SH3BGRL: variants seen among roughly 807,000 people sequenced by gnomAD.
SH3BGRL encodes SH3 domain binding glutamate rich protein like, also known as adapter SH3BGRL.
Under a neutral mutation model 9.8 loss-of-function variants are expected in SH3BGRL, and 7 were observed. The observed-to-expected ratio is 0.72, with a 90% CI of 0.41 to 1.35. The LOEUF is 1.35. Among genes scored for constraint, SH3BGRL ranks in the 40% most tolerant of loss-of-function variants. The pLI is 0.01. For synonymous variants in SH3BGRL, 36 were observed against 29.1 expected, an observed-to-expected ratio of 1.24 and a Z score of -0.76; for missense variants, 73 against 84.4, an observed-to-expected ratio of 0.86 and a Z score of 0.53.
chrX:81,210,937 ATTAG>A (rs2075561152), intron 1 of SH3BGRL, among the ~76,000 whole-genome samples: 1 of 112,516 alleles, frequency 8.9e-6, no homozygotes, highest in African/African-American at 3.2e-5. Flanking sequence ...AGCCTATACT[ATTAG>A]TTAGAATGCA....
chrX:81,265,346 GT>G (rs2075753528), intron 1 of SH3BGRL, among the ~76,000 whole-genome samples: 1 of 108,196 alleles, frequency 9.2e-6, no homozygotes, highest in African/African-American at 3.4e-5. Flanking sequence ...TTCTCCCAAT[GT>G]TATCCCTCCC....
intron 1 of SH3BGRL, among the ~76,000 whole-genome samples, chrX:81,221,836 G>A (rs192898707): frequency 4.5e-4 from 51 of 112,165 alleles, no homozygotes; most frequent in African/African-American, 1.6e-3. Context: ...AAGAAAGCTT[G>A]AGCATAACAC....
intron 1 of SH3BGRL, among the ~76,000 whole-genome samples, chrX:81,220,478 C>T (rs1479732862): frequency 9.0e-6 from 1 of 110,853 alleles, no homozygotes; most frequent in Non-Finnish European, 1.9e-5. Context: ...CCTTTTTAAT[C>T]ACTGATTTTA....
At chrX:81,216,753 G>A (rs1432725432) in intron 1 of SH3BGRL, among the ~76,000 whole-genome samples, 1 of 111,498 alleles carries the variant, frequency 9.0e-6, no homozygotes, top group Non-Finnish European at 1.9e-5. Context: ...TTATATTTAA[G>A]TTGTCGCAAA....
chrX:81,202,256 TG>T lies in SH3BGRL; in HGVS notation c.45+15del. On this transcript the variant is annotated intron_variant, in intron 1 of 3. Coordinates refer to ENST00000373212, the MANE Select transcript of SH3BGRL (RefSeq NM_003022.3). ...TCTGGCTCTACAGCGGTAAGGAGAG[TG>T]GGGAGTCCACCTTTGTTGTTTTCCT... 8.4e-7 allele frequency: 1 copy of T among 1,196,909 alleles called. No individual in the cohort carries two copies. The highest frequency in any genetic ancestry group is 3.0e-5 in the East Asian group (1 of 33,054).
rs1212690155 is a variant in SH3BGRL, at chrX:81,293,011, G to T, written c.313-4184G>T. 2.7e-5 allele frequency among the ~76,000 whole-genome samples: 3 copies of T among 112,228 alleles called. No homozygotes were observed. In the Admixed American group the frequency reaches 2.8e-4, roughly 11 times the overall value. On this transcript the variant is annotated intron_variant, in intron 3 of 3. Coordinates refer to ENST00000373212, the MANE Select transcript of SH3BGRL (RefSeq NM_003022.3). ...ATTGATATGGTTTGGCTCTGTGTCT[G>T]CATCCAAATCTCATCTTGAATTGTA...
chrX:81,287,574 T>C (rs2075839154), intron 3 of SH3BGRL, among the ~76,000 whole-genome samples: 1 of 111,535 alleles, frequency 9.0e-6, no homozygotes, highest in Admixed American at 9.6e-5. Flanking sequence ...ACACTGCATG[T>C]TCTCATTCCT....
intron 3 of SH3BGRL, among the ~76,000 whole-genome samples, chrX:81,295,870 T>C (rs764350856): frequency 9.0e-5 from 10 of 111,544 alleles, no homozygotes; most frequent in Non-Finnish European, 1.7e-4. Flanking sequence ...CCATCATCTT[T>C]CTGCCTTCTT....
At chrX:81,255,427 A>AT (rs2075722930) in intron 1 of SH3BGRL, 1 of 112,181 alleles carries the variant, frequency 8.9e-6, no homozygotes, top group South Asian at 3.7e-4. Context: ...GTGATCTAAA[A>AT]TTCTGAGAGA....
chrX:81,226,996 G>A lies in SH3BGRL; in HGVS notation c.45+24751G>A, dbSNP rs181903326. On this transcript the variant is annotated intron_variant, in intron 1 of 3. Coordinates refer to ENST00000373212, the MANE Select transcript of SH3BGRL (RefSeq NM_003022.3). ...TAATAGAGTTGTTGGCTATGCCATT[G>A]TTAAGTCATTTATCCTTGTGCAGTT... 2.0e-4 allele frequency among the ~76,000 whole-genome samples: 22 copies of A among 112,154 alleles called. 1 individual carries two copies. Among genetic ancestry groups the A allele is most frequent in the African/African-American group, 7.1e-4 (22 of 30,959 alleles).
At chrX:81,285,803 G>A (rs1186136192) in intron 3 of SH3BGRL, among the ~76,000 whole-genome samples, 1 of 111,544 alleles carries the variant, frequency 9.0e-6, no homozygotes, top group Non-Finnish European at 1.9e-5. Flanking sequence ...ATGTAAATGA[G>A]CTACAGAATT....
chrX:81,285,532 T>TA (rs763622799), intron 3 of SH3BGRL, among the ~76,000 whole-genome samples: 3 of 111,701 alleles, frequency 2.7e-5, no homozygotes. Flanking sequence ...GCTTCATAGA[T>TA]AAAAATGTGA....
At chrX:81,203,963 G>A (rs1223355076) in intron 1 of SH3BGRL, among the ~76,000 whole-genome samples, 1 of 109,974 alleles carries the variant, frequency 9.1e-6, no homozygotes. Context: ...ACTGTGCAAG[G>A]TTTGGGGTAC....
chrX:81,236,155 G>A (rs921703585), intron 1 of SH3BGRL, among the ~76,000 whole-genome samples: 1 of 111,431 alleles, frequency 9.0e-6, no homozygotes, highest in Non-Finnish European at 1.9e-5. Context: ...TATAATCACC[G>A]AATACTTCTT....
At chrX:81,211,229 T>C (rs2075562128) in intron 1 of SH3BGRL, among the ~76,000 whole-genome samples, 1 of 111,790 alleles carries the variant, frequency 8.9e-6, no homozygotes, top group African/African-American at 3.3e-5. Flanking sequence ...GTCAACTTGA[T>C]TGGATTGAGG....
intron 1 of SH3BGRL, among the ~76,000 whole-genome samples, chrX:81,209,114 C>A (rs1430455526): frequency 9.6e-6 from 1 of 104,587 alleles, no homozygotes; most frequent in African/African-American, 3.5e-5. Context: ...CTCAAGCGAT[C>A]TTCCTGCTTC....
chrX:81,253,344 CTGTT>C (rs753342139), intron 1 of SH3BGRL, among the ~76,000 whole-genome samples: 1 of 111,173 alleles, frequency 9.0e-6, no homozygotes. Flanking sequence ...TTGTTTTTTT[CTGTT>C]TGTTTGTTTG....
chrX:81,251,578 G>C (rs1358981226), intron 1 of SH3BGRL, among the ~76,000 whole-genome samples: 1 of 111,288 alleles, frequency 9.0e-6, no homozygotes, highest in Non-Finnish European at 1.9e-5. Flanking sequence ...TCTGAGAACT[G>C]TTTTCTCATT....
intron 1 of SH3BGRL, among the ~76,000 whole-genome samples, chrX:81,218,673 A>G (rs188474168): frequency 9.5e-6 from 1 of 105,037 alleles, no homozygotes; most frequent in African/African-American, 3.4e-5. Context: ...GTATGTATAT[A>G]TATATATATA....
Sources: gnomAD v4.1 joint callset for allele counts (sites outside exome capture counted in the v4.1 genomes callset) on GRCh38, gnomAD v4.1.1 for gene constraint, MANE v1.5 for transcripts, NCBI Gene and HGNC (gene_info 2026-07-23, HGNC 2026-07-21) for gene names.